Variants in DNAH14 observed in about 807,000 individuals in gnomAD.
The protein encoded by DNAH14 is dynein axonemal heavy chain 14.
Under a neutral mutation model 520.9 loss-of-function variants are expected in DNAH14, and 478 were observed. That is an observed-to-expected ratio of 0.92 (90% CI 0.85 to 0.99). DNAH14 has a LOEUF of 0.99. Ranked by LOEUF, DNAH14 falls within the 50% of genes least tolerant of loss-of-function variation. The pLI, the probability that DNAH14 is intolerant of heterozygous loss-of-function variation, is 0.00. For missense variants in DNAH14, 4,831 were observed against 5,234.5 expected, an observed-to-expected ratio of 0.92 and a Z score of 2.38; for synonymous variants, 1,581 against 1,757.2, an observed-to-expected ratio of 0.90 and a Z score of 2.51.
Position 225,271,995 on chromosome 1 carries a change from A to G in DNAH14, c.7761A>G (p.Ile2587Met), listed in dbSNP as rs2093326987. 2 of 1,550,714 alleles carry G rather than the reference A, an allele frequency of 1.3e-6. No individual in the cohort carries two copies. ...KDQIISCSLAIYHQVRQNMLP... is the reference protein window; with the variant it reads ...KDQIISCSLAMYHQVRQNMLP... The stretch of plus-strand genomic sequence containing the variant: ...AGATAATATCTTGTTCCCTAGCTAT[A>G]TACCATCAAGTACGTCAGAATATGT... The change falls in exon 51 of 86, where the codon ATA (isoleucine) becomes ATG (methionine). Residue 2587 changes from isoleucine (I) to methionine (M), a missense_variant. Ile to Met is a conservative substitution (Grantham distance 10, BLOSUM62 1). Transcript: ENST00000682510.
chr1:225,221,250 A>G (rs1203369258), intron 41 of DNAH14, among the ~76,000 whole-genome samples: 1 of 152,232 alleles, frequency 6.6e-6, no homozygotes. Context: ...GGCATGGGCA[A>G]AGACTTCACA....
chr1:225,054,036 A>G (rs1168239297), intron 17 of DNAH14, among the ~76,000 whole-genome samples: 1 of 152,152 alleles, frequency 6.6e-6, no homozygotes, highest in Non-Finnish European at 1.5e-5. Flanking sequence ...AGTGCTCCCC[A>G]TGAGACAGAG....
chr1:225,275,674 T>G (rs551867912), intron 52 of DNAH14, among the ~76,000 whole-genome samples: 1 of 152,148 alleles, frequency 6.6e-6, no homozygotes, highest in South Asian at 2.1e-4. Context: ...TATTTGGGGG[T>G]TTTTGGTAAC....
At chr1:224,972,631 A>G (rs2061568312) in intron 7 of DNAH14, among the ~76,000 whole-genome samples, 1 of 151,856 alleles carries the variant, frequency 6.6e-6, no homozygotes, top group African/African-American at 2.4e-5. Context: ...ACACCTGGCT[A>G]ATTTTTTGTA....
At chr1:225,238,407 C>G (rs1213278418) in intron 42 of DNAH14, among the ~76,000 whole-genome samples, 2 of 152,168 alleles carry the variant, frequency 1.3e-5, no homozygotes, top group East Asian at 1.9e-4. Flanking sequence ...ACTTCAGACC[C>G]TACTTGCCTC....
chr1:224,991,428 GTCT>G (rs1271891893), intron 8 of DNAH14, among the ~76,000 whole-genome samples: 3 of 151,744 alleles, frequency 2.0e-5, no homozygotes, highest in African/African-American at 7.3e-5. Flanking sequence ...CCATTTGTGT[GTCT>G]TCTTTTGAGA....
chr1:225,061,546 G>T (rs958328871), intron 17 of DNAH14, among the ~76,000 whole-genome samples: 1 of 152,222 alleles, frequency 6.6e-6, no homozygotes. Context: ...ACACTGCCCA[G>T]TGAGATGAAC....
chr1:225,135,785 G>A (rs1344887091), intron 27 of DNAH14, among the ~76,000 whole-genome samples: 1 of 151,964 alleles, frequency 6.6e-6, no homozygotes, highest in Admixed American at 6.6e-5. Flanking sequence ...TTATTGTGTG[G>A]GAGACTAAAT....
intron 66 of DNAH14, among the ~76,000 whole-genome samples, chr1:225,336,065 A>G (rs2095043491): frequency 2.8e-5 from 4 of 145,452 alleles, no homozygotes; most frequent in Admixed American, 2.1e-4. Context: ...ATATATGTAT[A>G]CATACATACT....
intron 54 of DNAH14, among the ~76,000 whole-genome samples, chr1:225,282,739 T>C (rs1168756377): frequency 1.3e-5 from 2 of 152,208 alleles, no homozygotes; most frequent in Non-Finnish European, 2.9e-5. Context: ...TACTGAGGGT[T>C]GCTAAGGGAG....
chr1:225,374,052 T>C lies in DNAH14; in HGVS notation c.12319-636T>C, dbSNP rs113453113. ...TTAGCTGGAGAGGTCAAGGATGTAG[T>C]TAGCCAAGATCACACCACTGCACTC... is the stretch of plus-strand genomic sequence containing the variant. On this transcript the variant is annotated intron_variant, in intron 77 of 85. Transcript: ENST00000682510. Among the ~76,000 whole-genome samples the C allele has an allele frequency of 1.6e-3, 222 of 143,208 alleles. 1 individual carries two copies. The highest frequency in any genetic ancestry group is 5.1e-3 in the African/African-American group (199 of 38,826). The allele number at this position is 143,208 out of a possible 152,430, so 94.0% of individuals were successfully genotyped here.
At chr1:225,275,353 C>T (rs1238250779) in intron 52 of DNAH14, among the ~76,000 whole-genome samples, 1 of 152,120 alleles carries the variant, frequency 6.6e-6, no homozygotes, top group East Asian at 1.9e-4. Flanking sequence ...CTGTGACAGA[C>T]CTATGCACAC....
intron 12 of DNAH14, among the ~76,000 whole-genome samples, chr1:225,040,426 G>A (rs947713393): frequency 6.6e-6 from 1 of 152,248 alleles, no homozygotes; most frequent in Non-Finnish European, 1.5e-5. Context: ...TTTCGTATAT[G>A]TATATTTCTA....
At chr1:225,322,081 C>CTTTTTTTTT (rs2094565139) in intron 61 of DNAH14, among the ~76,000 whole-genome samples, 1 of 100,464 alleles carries the variant, frequency 1.0e-5, no homozygotes, top group Non-Finnish European at 2.0e-5. Flanking sequence ...CTTTTTTTTT[C>CTTTTTTTTT]TTTCTTTTTT....
chr1:225,005,198 G>A (rs2501129), intron 9 of DNAH14, among the ~76,000 whole-genome samples: 22,941 of 151,978 alleles, frequency 0.15, 3,195 homozygotes, highest in African/African-American at 0.36. Context: ...TTCATATTCG[G>A]GTGAAGTTTG....
At chr1:225,177,617 A>C (rs2083472433) in intron 36 of DNAH14, among the ~76,000 whole-genome samples, 1 of 152,046 alleles carries the variant, frequency 6.6e-6, no homozygotes, top group Non-Finnish European at 1.5e-5. Context: ...GACAATGTAG[A>C]GCTCCGGCCA....
In DNAH14 at chr1:225,377,348, AG is replaced by A; in HGVS notation, c.12630del (p.Ser4211AlafsTer14). The part of the protein sequence containing the change: ...EVLGIHPEAI[R>X]SCWETQGEKF... ...CTTAGGAATACACCCAGAGGCCATCAGGAGCTGCTGGGAGACCCAGGGCGAA... is the reference window on the plus strand; with the variant it reads ...CTTAGGAATACACCCAGAGGCCATCAGAGCTGCTGGGAGACCCAGGGCGAA... On this transcript the variant is annotated frameshift_variant, in exon 79 of 86. Coordinates refer to ENST00000682510, the MANE Select transcript of DNAH14 (RefSeq NM_001367479.1). LOFTEE classifies it high-confidence loss of function. 1 of 1,551,078 alleles carries A rather than the reference AG, an allele frequency of 6.4e-7. No individual in the cohort carries two copies. The highest frequency in any genetic ancestry group is 8.7e-7 in the Non-Finnish European group (1 of 1,146,702).
Position 225,205,518 on chromosome 1 carries a change from C to T in DNAH14, c.5978-453C>T, listed in dbSNP as rs531633369. On this transcript the variant is annotated intron_variant, in intron 39 of 85. Transcript: ENST00000682510. ...ACAGCAGCCCAAATGGACTAACACC[C>T]TGTGGAAAGAGGAGTAAATGGGTTC... is the stretch of plus-strand genomic sequence containing the variant. Among the ~76,000 whole-genome samples the T allele has an allele frequency of 4.6e-5, 7 of 152,282 alleles. No homozygotes were observed. In the South Asian group the frequency reaches 1.4e-3, roughly 32 times the overall value.
chr1:225,004,997 C>A (rs2064056419), intron 9 of DNAH14, among the ~76,000 whole-genome samples: 1 of 152,070 alleles, frequency 6.6e-6, no homozygotes, highest in South Asian at 2.1e-4. Context: ...TCTTCACTTT[C>A]AAGTGGATGG....
Sources: gnomAD v4.1 joint callset for allele counts (sites outside exome capture counted in the v4.1 genomes callset) on GRCh38, gnomAD v4.1.1 for gene constraint, MANE v1.5 for transcripts, NCBI Gene and HGNC (gene_info 2026-07-23, HGNC 2026-07-21) for gene names.